Variants in FANCD2 observed in about 807,000 individuals in gnomAD.
FANCD2 encodes the protein FA complementation group D2, also known as Fanconi anemia group D2 protein.
A neutral mutation model predicts 192.3 loss-of-function variants in FANCD2; 131 were observed. The ratio of observed to expected loss-of-function variants is 0.68; its 90% CI spans 0.59 to 0.79. FANCD2 has a LOEUF of 0.79. Ranked by LOEUF, FANCD2 falls within the 30% of genes least tolerant of loss-of-function variation. The pLI, the probability that FANCD2 is intolerant of heterozygous loss-of-function variation, is 0.00. For synonymous variants in FANCD2, 524 were observed against 612.5 expected, an observed-to-expected ratio of 0.86 and a Z score of 2.13; for missense variants, 1,508 against 1,701.6, an observed-to-expected ratio of 0.89 and a Z score of 2.00.
In FANCD2 at chr3:10,074,579, A is replaced by G. The variant is rs1039845680; in HGVS notation, c.2765A>G (p.His922Arg). 31 of 1,613,786 alleles carry G rather than the reference A, an allele frequency of 1.9e-5. No individual in the cohort carries two copies. The African/African-American group carries it at 2.9e-4, about 15-fold the overall frequency. The change falls in exon 29 of 44, where the codon CAT (histidine) becomes CGT (arginine). Residue 922 changes from histidine to arginine, a missense_variant. Physicochemically the swap from His to Arg is conservative, Grantham distance 29. Coordinates refer to ENST00000675286, the MANE Select transcript of FANCD2 (RefSeq NM_001018115.3). ...EKTSLLLHNS[H>R]AFFRELDIEV... The stretch of plus-strand genomic sequence containing the variant: ...ACATCATTGTTACTACATAATTCCC[A>G]TGCTTTTTTCCGAGAGCTGGACATT...
intron 41 of FANCD2, 179 bp downstream of exon 41, chr3:10,095,453 G>T: frequency 1.6e-6 from 1 of 621,676 alleles, no homozygotes; most frequent in Non-Finnish European, 2.9e-6. Context: ...CCTCTAGAGG[G>T]GAATCTCCGC....
intron 37 of FANCD2, among the ~76,000 whole-genome samples, chr3:10,091,772 G>A (rs1463189449): frequency 6.6e-6 from 1 of 152,128 alleles, no homozygotes; most frequent in Non-Finnish European, 1.5e-5. Flanking sequence ...AACAGCTTAG[G>A]AGAAAACTTG....
chr3:10,052,541 A>G (rs776789253), intron 18 of FANCD2, 44 bp downstream of exon 18: 8 of 1,304,116 alleles, frequency 6.1e-6, no homozygotes, highest in Non-Finnish European at 8.9e-6. Context: ...TTTTTGAGAC[A>G]GAGTCTAGCT....
chr3:10,085,424 G>T (rs764866110), intron 32 of FANCD2, among the ~76,000 whole-genome samples: 1 of 135,446 alleles, frequency 7.4e-6, no homozygotes, highest in African/African-American at 2.9e-5. Context: ...ATGGAGTCTC[G>T]CTCTGTCGCC....
rs1358844110 is a variant in FANCD2 at position 10,085,939 on chromosome 3, T to C, written c.3335+17T>C. 6.5e-7 allele frequency: 1 copy of C among 1,527,136 alleles called. No homozygotes were observed. The highest frequency in any genetic ancestry group is 9.1e-7 in the Non-Finnish European group (1 of 1,100,776). The allele number at this position is 1,527,136 out of a possible 1,614,324, so 94.6% of individuals were successfully genotyped here. On this transcript the variant is annotated intron_variant, in intron 33 of 43. Coordinates refer to ENST00000675286, the MANE Select transcript of FANCD2 (RefSeq NM_001018115.3). ...ACTACTCAGGTGAGTCATAACTACA[T>C]AGCCAAGATTGTTGTCCCAAGAAAC...
intron 43 of FANCD2, among the ~76,000 whole-genome samples, chr3:10,100,480 T>G (rs963365169): frequency 1.3e-5 from 2 of 152,194 alleles, no homozygotes; most frequent in Non-Finnish European, 2.9e-5. Flanking sequence ...CAAGCAATTC[T>G]CCTGCCTCAG....
At chr3:10,094,781 A>G (rs1027856390) in intron 40 of FANCD2, 2 of 312,740 alleles carry the variant, frequency 6.4e-6, no homozygotes, top group Non-Finnish European at 1.2e-5. Context: ...TTTTTAGCCA[A>G]TGGCATCCAG....
intron 18 of FANCD2, among the ~76,000 whole-genome samples, chr3:10,054,911 T>C (rs1471864067): frequency 6.6e-6 from 1 of 151,884 alleles, no homozygotes; most frequent in African/African-American, 2.4e-5. Context: ...TCAAAACATA[T>C]AGAAGAGTAT....
chr3:10,050,451 C>G (rs542025893), intron 17 of FANCD2, among the ~76,000 whole-genome samples: 2 of 151,728 alleles, frequency 1.3e-5, no homozygotes, highest in South Asian at 4.2e-4. Context: ...GGTGAAACCC[C>G]GTCTCTACTA....
intron 18 of FANCD2, among the ~76,000 whole-genome samples, chr3:10,053,535 AAAAT>A (rs1221454915): frequency 7.1e-6 from 1 of 141,202 alleles, no homozygotes; most frequent in Non-Finnish European, 1.5e-5. Context: ...AATAATAATA[AAAAT>A]AAAATAAAAT....
chr3:10,041,740 A>T (rs1023669926), intron 10 of FANCD2, 30 bp downstream of exon 10: 5 of 1,534,566 alleles, frequency 3.3e-6, no homozygotes, highest in Admixed American at 3.3e-5. Context: ...CCAGAAACAG[A>T]GCCAGCTTTC....
At chr3:10,029,266 A>G (rs890525263) in intron 2 of FANCD2, among the ~76,000 whole-genome samples, 4 of 152,172 alleles carry the variant, frequency 2.6e-5, no homozygotes, top group African/African-American at 9.7e-5. Context: ...TTGAGGGGCT[A>G]AGGTGAGAGG....
At position 10,078,202 on chromosome 3, in the gene FANCD2, G is replaced by A. The variant is rs748710535; in HGVS notation, c.2976+5G>A. 5.7e-6 allele frequency: 9 copies of A among 1,565,820 alleles called. No homozygotes were observed. The highest frequency in any genetic ancestry group is 5.5e-5 in the South Asian group (5 of 90,132). ...AGGAGAGTCCCCTTTCTCAAGGTTA[G>A]TGTAGGCAGAAGCATAGGACTTGGG... On this transcript the variant is annotated splice_donor_5th_base_variant and intron_variant, in intron 30 of 43. Coordinates refer to ENST00000675286, the MANE Select transcript of FANCD2 (RefSeq NM_001018115.3).
intron 16 of FANCD2, 48 bp downstream of exon 16, chr3:10,048,099 A>C (rs1219152262): frequency 3.7e-6 from 6 of 1,612,608 alleles, no homozygotes; most frequent in Non-Finnish European, 5.1e-6. Context: ...AGAAAGGGAA[A>C]ATAATCTGAT....
At position 10,063,878 on chromosome 3, in the gene FANCD2, G is replaced by A. The variant is rs763676924; in HGVS notation, c.1914G>A (p.Leu638=). 6.2e-7 allele frequency: 1 copy of A among 1,614,118 alleles called. No individual in the cohort carries two copies. The highest frequency in any genetic ancestry group is 1.3e-5 in the African/African-American group (1 of 74,944). Residue 638 remains leucine (L), a synonymous_variant, in exon 21 of 44, where the codon CTG becomes CTA. Coordinates refer to ENST00000675286, the MANE Select transcript of FANCD2 (RefSeq NM_001018115.3). ...TTTACTATGATGAATTTGCCAACCT[G>A]ATCCAACATGAAAAGCTGGATCCAA... ...SALYYDEFAN[L]IQHEKLDPKA...
chr3:10,037,189 T>G (rs2086753784), intron 7 of FANCD2, among the ~76,000 whole-genome samples: 1 of 152,032 alleles, frequency 6.6e-6, no homozygotes, highest in Non-Finnish European at 1.5e-5. Flanking sequence ...TAGACAAAGG[T>G]CATGAACAGA....
chr3:10,086,731 G>A (rs980087400), intron 33 of FANCD2, among the ~76,000 whole-genome samples: 2 of 152,204 alleles, frequency 1.3e-5, no homozygotes, highest in Non-Finnish European at 2.9e-5. Flanking sequence ...GCCTGTCTCA[G>A]CCTAGCAAAG....
At chr3:10,056,121 C>T (rs1163173914) in intron 18 of FANCD2, among the ~76,000 whole-genome samples, 7 of 152,170 alleles carry the variant, frequency 4.6e-5, no homozygotes, top group Non-Finnish European at 5.9e-5. Context: ...TCAGGTGATC[C>T]GCCTGCCTCG....
chr3:10,087,328 AC>A, intron 34 of FANCD2, 64 bp downstream of exon 34: 1 of 1,495,716 alleles, frequency 6.7e-7, no homozygotes, highest in Non-Finnish European at 9.0e-7. Flanking sequence ...TCTCACACTT[AC>A]AAACTTTGGG....
Sources: allele counts gnomAD v4.1 joint callset (sites outside exome capture counted in the v4.1 genomes callset), GRCh38; gene constraint gnomAD v4.1.1; transcripts MANE v1.5; gene names NCBI Gene and HGNC (gene_info 2026-07-23, HGNC 2026-07-21).